The following FAM135A variants were observed in gnomAD, a reference collection of about 807,000 sequenced individuals.
FAM135A encodes the protein family with sequence similarity 135 member A.
Under a neutral mutation model 146.8 loss-of-function variants are expected in FAM135A, and 79 were observed. The observed-to-expected ratio is 0.54, with a 90% CI of 0.45 to 0.65. The LOEUF is 0.65. Ranked by LOEUF, FAM135A falls within the 30% of genes least tolerant of loss-of-function variation. The pLI is 0.00. For missense variants in FAM135A, 1,623 were observed against 1,758.2 expected, an observed-to-expected ratio of 0.92 and a Z score of 1.38; for synonymous variants, 562 against 603.6, an observed-to-expected ratio of 0.93 and a Z score of 1.01.
intron 4 of FAM135A, among the ~76,000 whole-genome samples, chr6:70,429,715 T>G (rs1184316678): frequency 6.6e-6 from 1 of 152,122 alleles, no homozygotes; most frequent in African/African-American, 2.4e-5. Context: ...ATCACTATTA[T>G]TACAATAAGC....
intron 11 of FAM135A, among the ~76,000 whole-genome samples, chr6:70,492,389 A>C (rs1213812925): frequency 1.3e-5 from 2 of 151,840 alleles, no homozygotes; most frequent in Non-Finnish European, 3.0e-5. Context: ...TTACATATAT[A>C]TGTAAATATA....
intron 5 of FAM135A, among the ~76,000 whole-genome samples, chr6:70,463,879 A>G (rs779158102): frequency 2.6e-5 from 4 of 152,146 alleles, no homozygotes; most frequent in African/African-American, 7.2e-5. Context: ...AGCTTCTATC[A>G]TTGCCCTTTA....
chr6:70,508,003 A>G (rs1035639110), intron 12 of FAM135A, among the ~76,000 whole-genome samples: 2 of 152,152 alleles, frequency 1.3e-5, no homozygotes, highest in Non-Finnish European at 2.9e-5. Flanking sequence ...AAAACTTGAG[A>G]CAAAGGACCT....
chr6:70,468,749 C>G (rs1287623703), intron 5 of FAM135A, among the ~76,000 whole-genome samples: 7 of 152,164 alleles, frequency 4.6e-5, no homozygotes, highest in Admixed American at 4.6e-4. Context: ...TGACAGCCTT[C>G]TAGGAGCCCA....
At chr6:70,427,104 A>G (rs1045105820) in intron 3 of FAM135A, among the ~76,000 whole-genome samples, 7 of 152,198 alleles carry the variant, frequency 4.6e-5, no homozygotes, top group African/African-American at 1.7e-4. Context: ...ACAGTCCAAG[A>G]AGTTATTCTT....
At chr6:70,500,031 T>C (rs536173191) in intron 11 of FAM135A, among the ~76,000 whole-genome samples, 6 of 152,226 alleles carry the variant, frequency 3.9e-5, no homozygotes, top group Non-Finnish European at 7.3e-5. Flanking sequence ...CCTGTCATGC[T>C]AGGTTAGGGG....
intron 5 of FAM135A, among the ~76,000 whole-genome samples, chr6:70,456,141 G>A (rs1778324252): frequency 6.6e-6 from 1 of 152,160 alleles, no homozygotes. Flanking sequence ...AACCACTAAA[G>A]TTGTCCTTGT....
Position 70,533,183 on chromosome 6 carries a change from G to C in FAM135A, c.3799G>C (p.Val1267Leu). The change falls in exon 17 of 22, where the codon GTA (valine) becomes CTA (leucine). Residue 1267 changes from valine to leucine, a missense_variant. Physicochemically the swap from Val to Leu is conservative, Grantham distance 32 (BLOSUM62 1). Around this residue, in one of 7 missense-constraint regions of FAM135A, gnomAD observed 1,061 missense variants for 1,113.8 expected, o/e 0.95. Coordinates refer to ENST00000418814, the MANE Select transcript of FAM135A (RefSeq NM_001162529.3). ...LDGNSADLRLVKTYIELGLPG... is the reference protein window; with the variant it reads ...LDGNSADLRLLKTYIELGLPG... ...AGGAAACAGTGCAGATCTCCGATTA[G>C]TAAAAACTTACATTGAACTTGGATT... 1 of 1,612,886 alleles carries C rather than the reference G, an allele frequency of 6.2e-7. No individual in the cohort carries two copies. Among genetic ancestry groups the C allele is most frequent in the Non-Finnish European group, 8.5e-7 (1 of 1,179,402 alleles).
chr6:70,450,771 C>T (rs1457605796), intron 4 of FAM135A, among the ~76,000 whole-genome samples: 2 of 91,136 alleles, frequency 2.2e-5, no homozygotes, highest in African/African-American at 8.1e-5. Flanking sequence ...GTCAGAGTCT[C>T]ACTCTGTCTC....
intron 4 of FAM135A, among the ~76,000 whole-genome samples, 194 bp downstream of exon 4, chr6:70,428,613 G>A (rs1377666562): frequency 6.6e-6 from 1 of 151,996 alleles, no homozygotes; most frequent in African/African-American, 2.4e-5. Flanking sequence ...GATAATGCTG[G>A]ATATACTGAA....
intron 12 of FAM135A, among the ~76,000 whole-genome samples, chr6:70,515,539 G>A (rs769696413): frequency 6.6e-6 from 1 of 151,988 alleles, no homozygotes; most frequent in Non-Finnish European, 1.5e-5. Flanking sequence ...TCAACTATAC[G>A]ACATTCTGGA....
chr6:70,456,821 A>C (rs543754665), intron 5 of FAM135A, among the ~76,000 whole-genome samples: 13 of 152,318 alleles, frequency 8.5e-5, no homozygotes, highest in South Asian at 6.2e-4. Flanking sequence ...AAATTGTGAA[A>C]AGATTTAACA....
chr6:70,420,088 A>C (rs545973090), intron 2 of FAM135A, among the ~76,000 whole-genome samples: 1 of 152,304 alleles, frequency 6.6e-6, no homozygotes, highest in South Asian at 2.1e-4. Context: ...CTAACTTGGA[A>C]GTAGAAACTG....
chr6:70,485,412 A>G (rs1269090202), intron 10 of FAM135A, among the ~76,000 whole-genome samples: 1 of 152,142 alleles, frequency 6.6e-6, no homozygotes, highest in East Asian at 1.9e-4. Flanking sequence ...ATTAACTTAA[A>G]AATAAAAGTA....
chr6:70,492,277 G>C (rs569802044), intron 11 of FAM135A, among the ~76,000 whole-genome samples: 1 of 151,432 alleles, frequency 6.6e-6, no homozygotes, highest in Non-Finnish European at 1.5e-5. Context: ...TTAACATCAG[G>C]GTCTATAAAT....
Position 70,428,307 on chromosome 6 carries a change from CT to C in FAM135A, c.-35del, listed in dbSNP as rs747783690. On this transcript the variant is annotated 5_prime_UTR_variant, in exon 4 of 22. Transcript: ENST00000418814. ...TTTTTCCCTTTCCTTAACAAAGGTG[CT>C]GTTATCAGAATAGTCTTCTGGGTAT... 7.7e-6 allele frequency: 11 copies of C among 1,429,014 alleles called. No individual in the cohort carries two copies. Among genetic ancestry groups the C allele is most frequent in the Non-Finnish European group, 8.5e-6 (9 of 1,053,170 alleles). The allele number at this position is 1,429,014 out of a possible 1,614,324, so 88.5% of individuals were successfully genotyped here.
intron 10 of FAM135A, among the ~76,000 whole-genome samples, chr6:70,482,780 A>G (rs1440322188): frequency 6.6e-6 from 1 of 152,118 alleles, no homozygotes; most frequent in African/African-American, 2.4e-5. Context: ...ATGCTTTTAC[A>G]TACATTATTT....
In FAM135A at chr6:70,448,689, G is replaced by A. The variant is rs181872794; in HGVS notation, c.78-3803G>A. 3.6e-3 allele frequency among the ~76,000 whole-genome samples: 543 copies of A among 152,246 alleles called. 5 individuals carry two copies. The highest frequency in any genetic ancestry group is 0.013 in the African/African-American group (521 of 41,538). On this transcript the variant is annotated intron_variant, in intron 4 of 21. Coordinates refer to ENST00000418814, the MANE Select transcript of FAM135A (RefSeq NM_001162529.3). ...GAGCCCCGAACAAAGATTTACCCGC[G>A]TATTTATTAACAGCAAGCCAGTCAT...
chr6:70,506,914 A>G (rs1279988368), intron 12 of FAM135A, among the ~76,000 whole-genome samples: 4 of 151,926 alleles, frequency 2.6e-5, no homozygotes, highest in Non-Finnish European at 1.5e-5. Context: ...AGGCAACTTT[A>G]TAGCTTGATA....
Sources: allele counts gnomAD v4.1 joint callset (sites outside exome capture counted in the v4.1 genomes callset), GRCh38; gene constraint gnomAD v4.1.1; regional missense constraint gnomAD v4.1.1; transcripts MANE v1.5; gene names NCBI Gene and HGNC (gene_info 2026-07-23, HGNC 2026-07-21).